C8orf58: variants seen among roughly 807,000 people sequenced by gnomAD.
C8orf58 encodes the protein chromosome 8 open reading frame 58.
In C8orf58, 31 loss-of-function variants were observed where a neutral mutation model predicts 36.8. That is an observed-to-expected ratio of 0.84 (90% CI 0.63 to 1.14). C8orf58 has a LOEUF of 1.14. Among genes scored for constraint, C8orf58 ranks in the 50% most tolerant of loss-of-function variants. C8orf58 has a pLI of 0.00. For synonymous variants in C8orf58, 230 were observed against 200.2 expected (o/e 1.15, Z -1.26); for missense variants, 538 against 480.8 (o/e 1.12, Z -1.11).
In C8orf58 at chr8:22,602,571, T is replaced by C; in HGVS notation, c.914T>C (p.Leu305Pro). 6.3e-7 allele frequency: 1 copy of C among 1,593,326 alleles called. No individual in the cohort carries two copies. Reference protein sequence around the residue: ...DISHWDKVKVLLNRICRRSHH... With the variant: ...DISHWDKVKVPLNRICRRSHH... Reference sequence around the variant, plus strand: ...TCCCACTGGGACAAGGTCAAGGTCCTGCTCAACCGGATCTGCCGGAGAAGC... The same window carrying C: ...TCCCACTGGGACAAGGTCAAGGTCCCGCTCAACCGGATCTGCCGGAGAAGC... The change falls in exon 6 of 7, where the codon CTG becomes CCG. Residue 305 changes from leucine (L) to proline (P), a missense_variant. Transcript: ENST00000289989.
chr8:22,599,799 GC>G, intron 1 of C8orf58, 39 bp downstream of exon 1: 1 of 1,060,444 alleles, frequency 9.4e-7, no homozygotes, highest in South Asian at 4.7e-5. Context: ...GCTCCCCCCT[GC>G]CCCGGAGCCG....
chr8:22,601,870 G>C lies in C8orf58; in HGVS notation c.657+18G>C, dbSNP rs766470868. 2.5e-6 allele frequency: 4 copies of C among 1,592,888 alleles called. No individual in the cohort carries two copies. Among genetic ancestry groups the C allele is most frequent in the African/African-American group, 1.3e-5 (1 of 74,424 alleles). ...CCCCAGGGGTGAGTGAGATTCGAGT[G>C]GGGGAGGGAGAGGACAGATGGGACC... On this transcript the variant is annotated intron_variant, in intron 3 of 6. Transcript: ENST00000289989.
rs145988500 is a variant in C8orf58, at chr8:22,600,944, C to G, written c.103C>G (p.Arg35Gly). 7.4e-3 allele frequency: 11,859 copies of G among 1,612,306 alleles called. 79 individuals carry two copies. Among genetic ancestry groups the G allele is most frequent in the South Asian group, 0.013 (1,217 of 91,030 alleles). Residue 35 changes from arginine to glycine, a missense_variant, in exon 2 of 7, where the codon CGG becomes GGG. Arg to Gly is a moderately radical substitution (Grantham distance 125). Transcript: ENST00000289989. The stretch of plus-strand genomic sequence containing the variant: ...GCCTGGAGTCACCAGCACCTACAGA[C>G]GGATCCCCGACGCTGCCCACGGGTG... ...IVPGVTSTYR[R>G]IPDAAHGCSS...
intron 2 of C8orf58, 99 bp downstream of exon 2, chr8:22,601,456 C>T (rs1377315672): frequency 3.8e-6 from 4 of 1,046,060 alleles, no homozygotes; most frequent in Admixed American, 5.7e-5. Context: ...CTCCCTGCCC[C>T]TAATTGATGG....
intron 1 of C8orf58, among the ~76,000 whole-genome samples, chr8:22,600,669 C>T (rs1487933189): frequency 6.6e-6 from 1 of 152,230 alleles, no homozygotes; most frequent in African/African-American, 2.4e-5. Context: ...GCTCAGAGCA[C>T]GGGTTCCCTG....
chr8:22,602,415 C>G, intron 5 of C8orf58, 103 bp downstream of exon 5: 1 of 1,315,064 alleles, frequency 7.6e-7, no homozygotes, highest in Non-Finnish European at 1.1e-6. Context: ...GGGGAAATGA[C>G]AGGATTGATT....
At chr8:22,602,697 G>C in intron 6 of C8orf58, 54 bp downstream of exon 6, 1 of 1,140,228 alleles carries the variant, frequency 8.8e-7, no homozygotes, top group Non-Finnish European at 1.3e-6. Context: ...TGATAAGCCA[G>C]GATGCTGAGA....
chr8:22,602,931 C>T (rs1800912705), intron 6 of C8orf58: 3 of 588,722 alleles, frequency 5.1e-6, no homozygotes, highest in Non-Finnish European at 9.1e-6. Context: ...CCCTCACCCT[C>T]AATGCTGACA....
At chr8:22,599,990 C>T (rs1800803665) in intron 1 of C8orf58, 3 of 356,652 alleles carry the variant, frequency 8.4e-6, no homozygotes, top group Non-Finnish European at 1.0e-5. Flanking sequence ...CCGCCTCCGC[C>T]CCACTTCCTC....
Position 22,602,322 on chromosome 8 carries a change from AG to A in C8orf58, c.879+12del. On this transcript the variant is annotated intron_variant, in intron 5 of 6. Transcript: ENST00000289989. ...CTCCCAGGGACACAAGGTAGGGGAC[AG>A]GTATATGTGGGGCAGGTGGTGGGCT... The A allele has an allele frequency of 1.1e-6, 1 of 924,850 alleles. No homozygotes were observed. The highest frequency in any genetic ancestry group is 1.5e-6 in the Non-Finnish European group (1 of 661,948). The allele number at this position is 924,850 out of a possible 1,614,324, so 57.3% of individuals were successfully genotyped here.
chr8:22,600,777 C>A, intron 1 of C8orf58, 105 bp from the exon 2 acceptor site: 1 of 983,764 alleles, frequency 1.0e-6, no homozygotes, highest in Non-Finnish European at 1.5e-6. Flanking sequence ...ACCGCCCTTC[C>A]TCACTGCTCC....
Position 22,601,073 on chromosome 8 carries a change from A to G in C8orf58, c.232A>G (p.Ser78Gly), listed in dbSNP as rs1240020500. ...DSGVEMAVGD[S>G]PLAALPGLSQ... is the part of the protein sequence containing the mutation. ...AGGAGTGGAGATGGCAGTTGGGGAC[A>G]GCCCCCTGGCCGCCTTACCGGGCCT... The change falls in exon 2 of 7, where the codon AGC becomes GGC. Residue 78 changes from serine (S) to glycine (G), a missense_variant. Coordinates refer to ENST00000289989, the MANE Select transcript of C8orf58 (RefSeq NM_001013842.3). The G allele has an allele frequency of 1.9e-6, 3 of 1,612,762 alleles. No individual in the cohort carries two copies. Among genetic ancestry groups the G allele is most frequent in the Non-Finnish European group, 2.5e-6 (3 of 1,180,014 alleles).
Position 22,602,517 on chromosome 8 carries a change from A to AC in C8orf58, c.880-16dup. ...CTGAGTGTGGGGAGGGCTCTGGGTG[A>AC]CCCCTCATCCTCTGCTCAGCGGGAT... On this transcript the variant is annotated intron_variant, in intron 5 of 6. Coordinates refer to ENST00000289989, the MANE Select transcript of C8orf58 (RefSeq NM_001013842.3). The AC allele has an allele frequency of 1.9e-6, 3 of 1,598,740 alleles. No homozygotes were observed. Among genetic ancestry groups the AC allele is most frequent in the Non-Finnish European group, 1.7e-6 (2 of 1,167,266 alleles).
chr8:22,603,902 C>T lies in C8orf58; in HGVS notation c.*596C>T, dbSNP rs1448263786. 3 of 179,186 alleles carry T rather than the reference C, an allele frequency of 1.7e-5. No homozygotes were observed. In the East Asian group the frequency reaches 4.4e-4, roughly 26 times the overall value. The allele number at this position is 179,186 out of a possible 1,614,324, so 11.1% of individuals were successfully genotyped here. A position where few individuals can be genotyped will look rare whatever the true frequency, so the allele number is the denominator to read the frequency against. On this transcript the variant is annotated 3_prime_UTR_variant, in exon 7 of 7. Coordinates refer to ENST00000289989, the MANE Select transcript of C8orf58 (RefSeq NM_001013842.3). ...TTGCCCCGGACTCCTGAAGACTGCA[C>T]AAGGAATGAGGAAGATCAGGGACAA...
At chr8:22,600,815 C>A in intron 1 of C8orf58, 67 bp from the exon 2 acceptor site, 2 of 1,355,668 alleles carry the variant, frequency 1.5e-6, no homozygotes, top group Non-Finnish European at 2.0e-6. Flanking sequence ...GGCAGTGCTG[C>A]CAGCCTTCAG....
At position 22,602,290 on chromosome 8, in the gene C8orf58, T is replaced by G; in HGVS notation, c.857T>G (p.Leu286Trp). Residue 286 changes from leucine to tryptophan, a missense_variant, in exon 5 of 7, where the codon TTG becomes TGG. Leu to Trp is a moderately conservative substitution (Grantham distance 61). Coordinates refer to ENST00000289989, the MANE Select transcript of C8orf58 (RefSeq NM_001013842.3). ...ACCCCAGTGGAGCCAACGTACCACT[T>G]GCCATCCTCCCAGGGACACAAGGTA... is the stretch of plus-strand genomic sequence containing the variant. Reference protein sequence around the residue: ...PETPVEPTYHLPSSQGHKRDI... With the variant: ...PETPVEPTYHWPSSQGHKRDI... The G allele has an allele frequency of 7.0e-7, 1 of 1,422,890 alleles. No individual in the cohort carries two copies. The highest frequency in any genetic ancestry group is 1.2e-5 in the South Asian group (1 of 86,926). The allele number at this position is 1,422,890 out of a possible 1,614,324, so 88.1% of individuals were successfully genotyped here. A position where few individuals can be genotyped will look rare whatever the true frequency, so the allele number is the denominator to read the frequency against.
chr8:22,602,020 C>T lies in C8orf58; in HGVS notation c.706C>T (p.His236Tyr), dbSNP rs1412016370. The change falls in exon 4 of 7, where the codon CAC (histidine) becomes TAC (tyrosine). Residue 236 changes from histidine to tyrosine, a missense_variant. Transcript: ENST00000289989. ...CCGAGCCCCTTTACCGTCCCCGTTA[C>T]ACACCCCAGGCAATCGGGGGCAGGG... is the stretch of plus-strand genomic sequence containing the variant. ...STRAPLPSPL[H>Y]TPGNRGQGPW... 1.9e-6 allele frequency: 3 copies of T among 1,578,542 alleles called. No individual in the cohort carries two copies. Among genetic ancestry groups the T allele is most frequent in the East Asian group, 2.3e-5 (1 of 43,948 alleles).
rs765643934 is a variant in C8orf58, at chr8:22,602,053, G to C, written c.739G>C (p.Glu247Gln). Residue 247 changes from glutamate to glutamine, a missense_variant, in exon 4 of 7, where the codon GAG (glutamate) becomes CAG (glutamine). Physicochemically the swap from Glu to Gln is conservative, Grantham distance 29. Coordinates refer to ENST00000289989, the MANE Select transcript of C8orf58 (RefSeq NM_001013842.3). ...TPGNRGQGPW[E>Q]LLSQTEHTGA... is the part of the protein sequence containing the mutation. ...AGGCAATCGGGGGCAGGGGCCATGGGAGCTGCTAAGCCAGACAGAGCACAC... is the reference window on the plus strand; with the variant it reads ...AGGCAATCGGGGGCAGGGGCCATGGCAGCTGCTAAGCCAGACAGAGCACAC... 4 of 1,577,420 alleles carry C rather than the reference G, an allele frequency of 2.5e-6. No individual in the cohort carries two copies. Among genetic ancestry groups the C allele is most frequent in the Non-Finnish European group, 3.5e-6 (4 of 1,158,616 alleles).
Position 22,602,715 on chromosome 8 carries a change from G to A in C8orf58, c.986+72G>A. 3.9e-6 allele frequency: 4 copies of A among 1,023,360 alleles called. No individual in the cohort carries two copies. The South Asian group carries it at 4.7e-5, about 12-fold the overall frequency. The allele number at this position is 1,023,360 out of a possible 1,614,324, so 63.4% of individuals were successfully genotyped here. On this transcript the variant is annotated intron_variant, in intron 6 of 6. Transcript: ENST00000289989. ...TAAGCCAGGATGCTGAGATTGTCATGCCAGTTGTCATTATTGTCCCCGCAA... is the reference window on the plus strand; with the variant it reads ...TAAGCCAGGATGCTGAGATTGTCATACCAGTTGTCATTATTGTCCCCGCAA...
Sources: gnomAD v4.1 joint callset for allele counts (sites outside exome capture counted in the v4.1 genomes callset) on GRCh38, gnomAD v4.1.1 for gene constraint, MANE v1.5 for transcripts, NCBI Gene and HGNC (gene_info 2026-07-23, HGNC 2026-07-21) for gene names.